Variants in TMEM178B observed in about 807,000 individuals in gnomAD.
The protein encoded by TMEM178B is transmembrane protein 178B.
In TMEM178B, 5 loss-of-function variants were observed where a neutral mutation model predicts 31.0. The ratio of observed to expected loss-of-function variants is 0.16; its 90% CI spans 0.08 to 0.34. TMEM178B has a LOEUF of 0.34. Among genes scored for constraint, TMEM178B ranks in the 10% least tolerant of loss-of-function variants. The pLI, the probability that TMEM178B is intolerant of heterozygous loss-of-function variation, is 1.00. For synonymous variants in TMEM178B, 164 were observed against 164.0 expected (o/e 1.00, Z 0.00); for missense variants, 275 against 400.3 (o/e 0.69, Z 2.67).
chr7:141,359,693 A>C (rs1429765923), intron 2 of TMEM178B, among the ~76,000 whole-genome samples: 1 of 152,180 alleles, frequency 6.6e-6, no homozygotes, highest in Non-Finnish European at 1.5e-5. Context: ...TGAGTAGACT[A>C]CATTTTTTGG....
At chr7:141,437,175 T>C (rs1801560637) in intron 2 of TMEM178B, among the ~76,000 whole-genome samples, 1 of 152,128 alleles carries the variant, frequency 6.6e-6, no homozygotes, top group Non-Finnish European at 1.5e-5. Context: ...AGAGGCTGAG[T>C]GATGCTGTGT....
At chr7:141,398,790 A>AG (rs1466007298) in intron 2 of TMEM178B, among the ~76,000 whole-genome samples, 1 of 152,190 alleles carries the variant, frequency 6.6e-6, no homozygotes, top group East Asian at 1.9e-4. Flanking sequence ...CTCCGTCTAC[A>AG]GAGGAGGAAT....
chr7:141,281,830 C>T (rs570606145), intron 2 of TMEM178B, among the ~76,000 whole-genome samples: 7 of 152,150 alleles, frequency 4.6e-5, no homozygotes, highest in South Asian at 2.1e-4. Flanking sequence ...CACAGGAAAG[C>T]GGCAGGCCAA....
chr7:141,460,772 A>G (rs1802046422), intron 3 of TMEM178B, among the ~76,000 whole-genome samples: 1 of 152,216 alleles, frequency 6.6e-6, no homozygotes, highest in African/African-American at 2.4e-5. Context: ...CACTCCTGGC[A>G]GAGTCCTCCT....
At chr7:141,326,940 T>C (rs1181472963) in intron 2 of TMEM178B, among the ~76,000 whole-genome samples, 1 of 152,202 alleles carries the variant, frequency 6.6e-6, no homozygotes, top group African/African-American at 2.4e-5. Flanking sequence ...CTTTTGAATT[T>C]AATTTAACTC....
intron 1 of TMEM178B, among the ~76,000 whole-genome samples, chr7:141,198,213 A>G (rs1204518198): frequency 6.6e-6 from 1 of 152,088 alleles, no homozygotes; most frequent in Admixed American, 6.5e-5. Flanking sequence ...GGCTGTTTGA[A>G]TCCTCTCATT....
chr7:141,510,001 T>C, the TMEM178B span, among the ~76,000 whole-genome samples: 5 of 152,210 alleles, frequency 3.3e-5, no homozygotes, highest in African/African-American at 1.2e-4. Flanking sequence ...AGAGTGGCAG[T>C]ATCCTGAGTA....
chr7:141,335,492 G>A (rs1799368897), intron 2 of TMEM178B, among the ~76,000 whole-genome samples: 1 of 152,146 alleles, frequency 6.6e-6, no homozygotes, highest in African/African-American at 2.4e-5. Flanking sequence ...TCTTGGTTCT[G>A]GACAATTGGA....
intron 1 of TMEM178B, among the ~76,000 whole-genome samples, chr7:141,166,672 T>A (rs1161668608): frequency 6.6e-6 from 1 of 152,234 alleles, no homozygotes; most frequent in Non-Finnish European, 1.5e-5. Flanking sequence ...TTGTCTTTCA[T>A]GTATCAGGTG....
chr7:141,179,943 C>T (rs1459459388), intron 1 of TMEM178B, among the ~76,000 whole-genome samples: 1 of 152,230 alleles, frequency 6.6e-6, no homozygotes, highest in Non-Finnish European at 1.5e-5. Flanking sequence ...GTCTACTCTT[C>T]TCAGGCCCTC....
intron 2 of TMEM178B, among the ~76,000 whole-genome samples, chr7:141,319,245 A>T (rs1799055790): frequency 6.6e-6 from 1 of 152,212 alleles, no homozygotes. Context: ...GACAGACTGC[A>T]CAGCCCTGGC....
At chr7:141,484,832 G>A (rs1213023215), downstream of TMEM178B, among the ~76,000 whole-genome samples, 3 of 152,042 alleles carry the variant, frequency 2.0e-5, no homozygotes, top group Non-Finnish European at 4.4e-5. This position sits in a 1 kb window ranked among gnomAD's most constrained non-coding sequence, Gnocchi z 4.8. Context: ...AAAGTGCTGG[G>A]ATTACAGACG....
chr7:141,083,648 T>G (rs1474640228), intron 1 of TMEM178B, among the ~76,000 whole-genome samples: 1 of 152,206 alleles, frequency 6.6e-6, no homozygotes, highest in African/African-American at 2.4e-5. Context: ...CTCTTTCAAA[T>G]GGCTTGAAAT....
chr7:141,260,027 G>A (rs2116357998), intron 2 of TMEM178B, among the ~76,000 whole-genome samples: 1 of 152,186 alleles, frequency 6.6e-6, no homozygotes. Flanking sequence ...GACCACCAGG[G>A]TTATATGGGA....
intron 2 of TMEM178B, among the ~76,000 whole-genome samples, chr7:141,316,685 C>A (rs942848323): frequency 6.6e-6 from 1 of 152,206 alleles, no homozygotes; most frequent in African/African-American, 2.4e-5. Context: ...AGGCACTATT[C>A]CTGCTCCATG....
At chr7:141,270,638 A>G (rs1292577778) in intron 2 of TMEM178B, among the ~76,000 whole-genome samples, 1 of 152,224 alleles carries the variant, frequency 6.6e-6, no homozygotes, top group Non-Finnish European at 1.5e-5. Flanking sequence ...CTTTTTAAAA[A>G]CACTATAGGA....
At position 141,347,719 on chromosome 7, in the gene TMEM178B, C is replaced by G. The variant is rs117043796; in HGVS notation, c.497-89889C>G. On this transcript the variant is annotated intron_variant, in intron 2 of 3. Coordinates refer to ENST00000565468, the MANE Select transcript of TMEM178B (RefSeq NM_001195278.2). ...CTTACTCTCCACATCTCCCCCACCCCCCGTCTGCCTTCTCTGTCTCCTCAT... is the reference window on the plus strand; with the variant it reads ...CTTACTCTCCACATCTCCCCCACCCGCCGTCTGCCTTCTCTGTCTCCTCAT... Among the ~76,000 whole-genome samples the G allele has an allele frequency of 3.7e-3, 557 of 152,144 alleles. 1 individual carries two copies. The highest frequency in any genetic ancestry group is 6.0e-3 in the Non-Finnish European group (411 of 67,986).
At position 141,475,131 on chromosome 7, in the gene TMEM178B, G is replaced by A. The variant is rs1802339090; in HGVS notation, c.*4345G>A. 1.3e-5 allele frequency: 2 copies of A among 152,282 alleles called. No homozygotes were observed. The highest frequency in any genetic ancestry group is 4.1e-4 in the South Asian group (2 of 4,830). The allele number at this position is 152,282 out of a possible 1,614,324, so 9.4% of individuals were successfully genotyped here. A position where few individuals can be genotyped will look rare whatever the true frequency, so the allele number is the denominator to read the frequency against. On this transcript the variant is annotated 3_prime_UTR_variant, in exon 4 of 4. Coordinates refer to ENST00000565468, the MANE Select transcript of TMEM178B (RefSeq NM_001195278.2). ...TTCCAGGGAAATACGATGTTTCTGA[G>A]TGAGAGGTGATTTCAGTGCAGATAG...
chr7:141,460,632 T>C (rs1802044350), intron 3 of TMEM178B, among the ~76,000 whole-genome samples: 1 of 152,220 alleles, frequency 6.6e-6, no homozygotes, highest in Middle Eastern at 3.2e-3. Context: ...CCAGTCCCTG[T>C]AGTCGCTTGA....
Sources: gnomAD v4.1 joint callset for allele counts (sites outside exome capture counted in the v4.1 genomes callset) on GRCh38, gnomAD v4.1.1 for gene constraint, Gnocchi (gnomAD v3.1) non-coding constraint, MANE v1.5 for transcripts, NCBI Gene and HGNC (gene_info 2026-07-23, HGNC 2026-07-21) for gene names.